Variants in HPF1 observed in about 807,000 individuals in gnomAD.
The protein encoded by HPF1 is UPF0609 protein C4orf27.
Under a neutral mutation model 38.8 loss-of-function variants are expected in HPF1, and 35 were observed. The observed-to-expected ratio is 0.90, with a 90% CI of 0.69 to 1.19. The LOEUF is 1.19. HPF1 is among the 50% of genes most tolerant of loss of function. The pLI is 0.00. For missense variants in HPF1, 367 were observed against 405.8 expected (o/e 0.90, Z 0.82); for synonymous variants, 115 against 139.2 (o/e 0.83, Z 1.22).
At chr4:169,731,978 T>C (rs1197303626) in intron 6 of HPF1, 102 bp from the exon 7 acceptor site, 15 of 918,498 alleles carry the variant, frequency 1.6e-5, no homozygotes, top group Non-Finnish European at 1.5e-5. Context: ...TCCTAAGACT[T>C]TGTACTAATA....
At chr4:169,730,602 C>A (rs1733816413) in intron 7 of HPF1, among the ~76,000 whole-genome samples, 4 of 152,206 alleles carry the variant, frequency 2.6e-5, no homozygotes, top group Admixed American at 2.6e-4. Flanking sequence ...AGGACCCACC[C>A]TAGAACTCAA....
At chr4:169,734,987 C>T (rs1204590346) in intron 6 of HPF1, among the ~76,000 whole-genome samples, 1 of 151,928 alleles carries the variant, frequency 6.6e-6, no homozygotes, top group African/African-American at 2.4e-5. Flanking sequence ...ATTAGCTGGG[C>T]ATGGTGGTGG....
At chr4:169,755,584 A>G (rs930653677) in intron 1 of HPF1, among the ~76,000 whole-genome samples, 9 of 152,184 alleles carry the variant, frequency 5.9e-5, no homozygotes, top group African/African-American at 2.2e-4. Context: ...AGGTCCTGGA[A>G]CCAATCTCCG....
chr4:169,734,166 A>T (rs1165726937), intron 6 of HPF1, among the ~76,000 whole-genome samples: 1 of 152,228 alleles, frequency 6.6e-6, no homozygotes, highest in Non-Finnish European at 1.5e-5. Flanking sequence ...TACAAATTAA[A>T]TTATTTTACA....
At chr4:169,733,544 A>G (rs1360996142) in intron 6 of HPF1, among the ~76,000 whole-genome samples, 1 of 152,208 alleles carries the variant, frequency 6.6e-6, no homozygotes, top group African/African-American at 2.4e-5. Context: ...GTTAAATTCT[A>G]TGTATGAGGC....
chr4:169,746,944 G>A (rs1581320439), intron 4 of HPF1, among the ~76,000 whole-genome samples: 3 of 127,570 alleles, frequency 2.4e-5, no homozygotes, highest in South Asian at 2.5e-4. Context: ...AAAGATACCA[G>A]AAGAGTCTTG....
chr4:169,745,122 G>A (rs1454915205), intron 4 of HPF1, among the ~76,000 whole-genome samples: 3 of 152,188 alleles, frequency 2.0e-5, no homozygotes, highest in African/African-American at 7.2e-5. Flanking sequence ...GTGCATAGGT[G>A]CACGGACAGA....
chr4:169,736,877 C>G lies in HPF1; in HGVS notation c.736+783G>C, dbSNP rs6850430. On this transcript the variant is annotated intron_variant, in intron 6 of 7. Transcript: ENST00000393381. ...AGCGATTTTAATTCTCGATGTTTAACGTAGCAATAACTAGATTATGCGCAG... is the reference window on the plus strand; with the variant it reads ...AGCGATTTTAATTCTCGATGTTTAAGGTAGCAATAACTAGATTATGCGCAG... 1.2e-4 allele frequency among the ~76,000 whole-genome samples: 19 copies of G among 152,134 alleles called. No homozygotes were observed. In the East Asian group the frequency reaches 3.7e-3, roughly 29 times the overall value.
At chr4:169,743,254 T>C (rs573505012) in intron 4 of HPF1, among the ~76,000 whole-genome samples, 13 of 150,496 alleles carry the variant, frequency 8.6e-5, no homozygotes, top group Non-Finnish European at 1.8e-4. Context: ...GGATTACAGG[T>C]ACATGCCACC....
chr4:169,742,747 G>A (rs944006066), intron 4 of HPF1, among the ~76,000 whole-genome samples: 2 of 151,936 alleles, frequency 1.3e-5, no homozygotes, highest in Non-Finnish European at 2.9e-5. Context: ...AACCGAGATC[G>A]CGCCACTGCA....
intron 3 of HPF1, among the ~76,000 whole-genome samples, chr4:169,750,099 T>A (rs866747908): frequency 6.6e-6 from 1 of 152,204 alleles, no homozygotes; most frequent in Admixed American, 6.5e-5. Flanking sequence ...ATCAGGTATG[T>A]ACAGTTATCC....
intron 4 of HPF1, among the ~76,000 whole-genome samples, chr4:169,745,813 A>G (rs1734040679): frequency 6.6e-6 from 1 of 152,188 alleles, no homozygotes; most frequent in Admixed American, 6.5e-5. Flanking sequence ...ATACATTTGC[A>G]TGTTACTGCT....
chr4:169,753,932 C>T, intron 1 of HPF1, 97 bp from the exon 2 acceptor site: 1 of 933,444 alleles, frequency 1.1e-6, no homozygotes, highest in Non-Finnish European at 1.6e-6. Context: ...CTATGAAATA[C>T]ATGTGTTTTC....
At chr4:169,741,608 T>C (rs1197001591) in intron 5 of HPF1, among the ~76,000 whole-genome samples, 1 of 152,110 alleles carries the variant, frequency 6.6e-6, no homozygotes, top group Non-Finnish European at 1.5e-5. Context: ...CTGGAGAAAA[T>C]GTATGTATGT....
chr4:169,754,812 A>G (rs1230679815), intron 1 of HPF1, among the ~76,000 whole-genome samples: 8 of 152,232 alleles, frequency 5.3e-5, no homozygotes, highest in Non-Finnish European at 1.2e-4. Context: ...TCAACATCCT[A>G]TAATGCCCAG....
intron 1 of HPF1, among the ~76,000 whole-genome samples, chr4:169,757,618 G>C (rs1734206662): frequency 1.3e-5 from 2 of 152,220 alleles, no homozygotes; most frequent in Admixed American, 1.3e-4. Context: ...TCCAAGAGGA[G>C]CTGGGCAGAA....
At chr4:169,745,666 C>T (rs1734037703) in intron 4 of HPF1, among the ~76,000 whole-genome samples, 1 of 152,150 alleles carries the variant, frequency 6.6e-6, no homozygotes, top group Non-Finnish European at 1.5e-5. Flanking sequence ...TACATGTATA[C>T]TCCAACACTG....
Position 169,729,625 on chromosome 4 carries a change from G to C in HPF1, c.994C>G (p.His332Asp), listed in dbSNP as rs1215204679. ...TTCTCTTGACTTCTGTTTGCCAGAT[G>C]CTCCTCAATAATTTCTGCAAACAGA... ...RNLFAEIIEE[H>D]LANRSQENID... The change falls in exon 8 of 8, where the codon CAT becomes GAT. Residue 332 changes from histidine to aspartate, a missense_variant. Transcript: ENST00000393381. 10 of 1,588,946 alleles carry C rather than the reference G, an allele frequency of 6.3e-6. No individual in the cohort carries two copies. The African/African-American group carries it at 1.4e-4, about 22-fold the overall frequency.
intron 6 of HPF1, 116 bp downstream of exon 6, chr4:169,737,544 A>C: frequency 1.4e-6 from 1 of 704,794 alleles, no homozygotes; most frequent in Middle Eastern, 3.6e-4. Flanking sequence ...CTTTATTACT[A>C]AGGTCTAGCG....
Sources: allele counts gnomAD v4.1 joint callset (sites outside exome capture counted in the v4.1 genomes callset), GRCh38; gene constraint gnomAD v4.1.1; transcripts MANE v1.5; gene names NCBI Gene and HGNC (gene_info 2026-07-23, HGNC 2026-07-21).